Variants in STARD13 observed in about 807,000 individuals in gnomAD.
The protein encoded by STARD13 is StAR related lipid transfer domain containing 13.
A neutral mutation model predicts 106.4 loss-of-function variants in STARD13; 62 were observed. The observed-to-expected ratio is 0.58, with a 90% CI of 0.48 to 0.72. STARD13 has a LOEUF of 0.72. Among genes scored for constraint, STARD13 ranks in the 30% least tolerant of loss-of-function variants. STARD13 has a pLI of 0.00. For missense variants in STARD13, 1,387 were observed against 1,424.0 expected, an observed-to-expected ratio of 0.97 and a Z score of 0.42; for synonymous variants, 565 against 553.0, an observed-to-expected ratio of 1.02 and a Z score of -0.31.
At chr13:33,586,356 T>G in the STARD13 span, among the ~76,000 whole-genome samples, 1 of 152,184 alleles carries the variant, frequency 6.6e-6, no homozygotes, top group Non-Finnish European at 1.5e-5. Context: ...CTTATTTCAC[T>G]TAGCCACTTT....
At chr13:33,350,561 G>T in exon 1 of STARD13, 2 of 1,399,306 alleles carry the variant, frequency 1.4e-6, no homozygotes, top group Non-Finnish European at 1.9e-6. Flanking sequence ...GGGTCGGTCC[G>T]GCGCTGGGAG....
At chr13:33,162,094 C>G (rs1020459643) in intron 3 of STARD13, among the ~76,000 whole-genome samples, 5 of 152,192 alleles carry the variant, frequency 3.3e-5, no homozygotes, top group African/African-American at 1.2e-4. Context: ...CTTGCTCCTC[C>G]AAATCTCATG....
At chr13:33,304,539 A>G (rs1007787986) in intron 1 of STARD13, among the ~76,000 whole-genome samples, 2 of 152,210 alleles carry the variant, frequency 1.3e-5, no homozygotes, top group African/African-American at 4.8e-5. Flanking sequence ...TAAGAATTCT[A>G]TGTAATTTTT....
the STARD13 span, among the ~76,000 whole-genome samples, chr13:33,465,634 G>A: frequency 6.6e-6 from 1 of 152,160 alleles, no homozygotes; most frequent in African/African-American, 2.4e-5. Flanking sequence ...TCTTTCCTCT[G>A]TGATCCGAAC....
chr13:33,306,960 C>CA (rs55804905), intron 1 of STARD13, among the ~76,000 whole-genome samples: 3,122 of 145,848 alleles, frequency 0.021, 66 homozygotes, highest in Admixed American at 0.071. Context: ...AAAAAAGAAA[C>CA]AAAAAAAAAA....
intron 1 of STARD13, among the ~76,000 whole-genome samples, chr13:33,300,172 C>T (rs868386501): frequency 6.6e-6 from 1 of 152,104 alleles, no homozygotes. Flanking sequence ...TCTCAGTTTC[C>T]TCATCTATAA....
intron 1 of STARD13, among the ~76,000 whole-genome samples, chr13:33,202,708 A>G (rs935862715): frequency 2.0e-5 from 3 of 152,146 alleles, no homozygotes; most frequent in African/African-American, 4.8e-5. Flanking sequence ...GCTTTGGAGG[A>G]GGAGGAGGAT....
chr13:33,300,595 A>G (rs1266442867), intron 1 of STARD13, among the ~76,000 whole-genome samples: 1 of 152,214 alleles, frequency 6.6e-6, no homozygotes, highest in Non-Finnish European at 1.5e-5. Context: ...TTTACGTGAA[A>G]TGCTTATTTT....
chr13:33,577,075 A>C, the STARD13 span, among the ~76,000 whole-genome samples: 1 of 152,220 alleles, frequency 6.6e-6, no homozygotes. Flanking sequence ...TTTATCATTT[A>C]ATCATTACCA....
the STARD13 span, among the ~76,000 whole-genome samples, chr13:33,435,255 C>G: frequency 6.6e-6 from 1 of 152,110 alleles, no homozygotes; most frequent in Non-Finnish European, 1.5e-5. Context: ...AATTCCACTG[C>G]GAGAGGTAGG....
chr13:33,155,827 A>G (rs1018849530), intron 3 of STARD13, among the ~76,000 whole-genome samples: 4 of 152,182 alleles, frequency 2.6e-5, no homozygotes, highest in African/African-American at 4.8e-5. Context: ...AAGCAATACA[A>G]ATAGGGCCAA....
intron 1 of STARD13, among the ~76,000 whole-genome samples, chr13:33,308,074 C>T (rs183886763): frequency 5.3e-4 from 80 of 152,288 alleles, no homozygotes; most frequent in African/African-American, 1.9e-3. Context: ...TCCTGCTCCA[C>T]GTGGAGCTTT....
chr13:33,164,097 C>T (rs1883060070), intron 3 of STARD13: 1 of 152,120 alleles, frequency 6.6e-6, no homozygotes, highest in African/African-American at 2.4e-5. Context: ...GTTTTCTCGT[C>T]CAAATAACTT....
the STARD13 span, among the ~76,000 whole-genome samples, chr13:33,406,281 G>GA: frequency 3.3e-5 from 5 of 151,938 alleles, no homozygotes; most frequent in Middle Eastern, 3.4e-3. Flanking sequence ...ATATTTTGCA[G>GA]AAAAAAAACC....
In STARD13 at chr13:33,105,308, C is replaced by G; in HGVS notation, c.*285G>C. ...ACGCTTCTTAGAAGCCTTTAAATAG[C>G]AAATTAGGCAATGCACAAGGAATAG... On this transcript the variant is annotated 3_prime_UTR_variant, in exon 14 of 14. Coordinates refer to ENST00000336934, the MANE Select transcript of STARD13 (RefSeq NM_178006.4). 2.9e-6 allele frequency: 1 copy of G among 348,204 alleles called. No homozygotes were observed. 21.6% of individuals were successfully genotyped at this position (348,204 alleles called of 1,614,324 possible).
At chr13:33,278,090 G>A (rs1891549289) in intron 1 of STARD13, among the ~76,000 whole-genome samples, 1 of 152,148 alleles carries the variant, frequency 6.6e-6, no homozygotes, top group Non-Finnish European at 1.5e-5. Flanking sequence ...TTTCCAAAAT[G>A]TGTTCCCCAG....
chr13:33,354,063 T>C (rs553302508), upstream of STARD13, among the ~76,000 whole-genome samples: 1 of 152,356 alleles, frequency 6.6e-6, no homozygotes, highest in East Asian at 1.9e-4. Context: ...CTATTTCCTA[T>C]GTGAGCCACC....
chr13:33,489,506 G>C, the STARD13 span, among the ~76,000 whole-genome samples: 2 of 152,128 alleles, frequency 1.3e-5, no homozygotes, highest in African/African-American at 4.8e-5. Context: ...ACATGACTTA[G>C]AGAAATTAAA....
At chr13:33,440,065 C>T in the STARD13 span, among the ~76,000 whole-genome samples, 2 of 151,932 alleles carry the variant, frequency 1.3e-5, no homozygotes, top group African/African-American at 4.8e-5. Context: ...AGGCTTGAGC[C>T]GAGGAGTTCG....
Sources: allele counts gnomAD v4.1 joint callset (sites outside exome capture counted in the v4.1 genomes callset), GRCh38; gene constraint gnomAD v4.1.1; transcripts MANE v1.5; gene names NCBI Gene and HGNC (gene_info 2026-07-23, HGNC 2026-07-21).